Variants in PPARGC1B observed in about 807,000 individuals in gnomAD.
The protein encoded by PPARGC1B is peroxisome proliferator-activated receptor gamma coactivator 1-beta.
PPARGC1B carries 34 observed loss-of-function variants against 101.6 expected under a neutral mutation model. That is an observed-to-expected ratio of 0.33 (90% CI 0.25 to 0.45). The LOEUF (loss-of-function observed/expected upper bound fraction) is 0.45, where lower values mean the gene tolerates loss of function less well. Among genes scored for constraint, PPARGC1B ranks in the 20% least tolerant of loss-of-function variants. PPARGC1B has a pLI of 1.00. For missense variants in PPARGC1B, 1,234 were observed against 1,317.6 expected (o/e 0.94, Z 0.98); for synonymous variants, 548 against 539.3 (o/e 1.02, Z -0.22).
rs189717323 is a variant in PPARGC1B, at chr5:149,837,157, C to G, written c.2618+84C>G. 3.0e-5 allele frequency: 45 copies of G among 1,510,950 alleles called. No homozygotes were observed. In the Admixed American group the frequency reaches 9.2e-4, roughly 31 times the overall value. 93.6% of individuals were successfully genotyped at this position (1,510,950 alleles called of 1,614,324 possible). A position where few individuals can be genotyped will look rare whatever the true frequency, so the allele number is the denominator to read the frequency against. ...AGCCAGGAGCCCCAGGAGGGAGGAT[C>G]CCTGGGAAGCTTGCTCTGAAACTGA... On this transcript the variant is annotated intron_variant, in intron 8 of 11. Transcript: ENST00000309241. The surrounding 1 kb of genome is among the most constrained non-coding windows in gnomAD (Gnocchi z 4.2).
intron 1 of PPARGC1B, among the ~76,000 whole-genome samples, chr5:149,772,605 G>C (rs1028614377): frequency 2.6e-5 from 4 of 152,146 alleles, no homozygotes; most frequent in East Asian, 3.8e-4. Flanking sequence ...GAGTTCACGT[G>C]GTCTTTGGTC....
intron 1 of PPARGC1B, among the ~76,000 whole-genome samples, chr5:149,799,693 G>GTTGTTTTTTT (rs752427488): frequency 2.8e-3 from 215 of 76,444 alleles, no homozygotes; most frequent in Middle Eastern, 0.013. Context: ...GCTTGTTGTT[G>GTTGTTTTTTT]TTTTTTTTTT....
chr5:149,847,715 A>G lies in PPARGC1B; in HGVS notation c.*157A>G, dbSNP rs1759624057. The G allele has an allele frequency of 1.6e-6, 1 of 606,974 alleles. No individual in the cohort carries two copies. The highest frequency in any genetic ancestry group is 2.9e-6 in the Non-Finnish European group (1 of 342,228). The allele number at this position is 606,974 out of a possible 1,614,324, so 37.6% of individuals were successfully genotyped here. A position where few individuals can be genotyped will look rare whatever the true frequency, so the allele number is the denominator to read the frequency against. On this transcript the variant is annotated 3_prime_UTR_variant, in exon 12 of 12. Transcript: ENST00000309241. The stretch of plus-strand genomic sequence containing the variant: ...AAACTGCTGTCCTTTAAAAAAAAAA[A>G]AAATCAATGTTTACATTGAACAAAG...
intron 1 of PPARGC1B, among the ~76,000 whole-genome samples, chr5:149,772,855 C>T (rs181466450): frequency 9.9e-5 from 15 of 152,032 alleles, no homozygotes; most frequent in Admixed American, 2.0e-4. Context: ...GGTGATTCCT[C>T]GGTGGGGTTT....
chr5:149,846,030 C>T, intron 11 of PPARGC1B, 116 bp downstream of exon 11: 1 of 1,205,704 alleles, frequency 8.3e-7, no homozygotes, highest in Non-Finnish European at 1.2e-6. Flanking sequence ...CATCCCCACA[C>T]CCCAGTGTGC....
chr5:149,771,455 G>T (rs908724829), intron 1 of PPARGC1B, among the ~76,000 whole-genome samples: 16 of 152,234 alleles, frequency 1.1e-4, no homozygotes, highest in African/African-American at 3.4e-4. Flanking sequence ...TGATGCCCCT[G>T]AAGGGCCAAG....
intron 1 of PPARGC1B, among the ~76,000 whole-genome samples, chr5:149,763,530 T>G (rs1352495233): frequency 1.5e-5 from 2 of 131,498 alleles, no homozygotes; most frequent in Admixed American, 7.6e-5. Flanking sequence ...CTCCTGGTTT[T>G]TTTTTTTTTT....
rs754344230 is a variant in PPARGC1B, at chr5:149,772,321, G to A, written c.78+41901G>A. Reference sequence around the variant, plus strand: ...TGATGTGCTGGCTGTCTCGGGATGCGGTGTTTGTGCTGGTGATGCAGCCAG... The same window carrying A: ...TGATGTGCTGGCTGTCTCGGGATGCAGTGTTTGTGCTGGTGATGCAGCCAG... On this transcript the variant is annotated intron_variant, in intron 1 of 11. Coordinates refer to ENST00000309241, the MANE Select transcript of PPARGC1B (RefSeq NM_133263.4). 4.3e-4 allele frequency among the ~76,000 whole-genome samples: 65 copies of A among 152,180 alleles called. 1 individual carries two copies. The highest frequency in any genetic ancestry group is 7.3e-5 in the Non-Finnish European group (5 of 68,030).
chr5:149,771,129 G>A (rs917930961), intron 1 of PPARGC1B, among the ~76,000 whole-genome samples: 5 of 152,184 alleles, frequency 3.3e-5, no homozygotes, highest in African/African-American at 4.8e-5. Context: ...GAGGCTCCCC[G>A]CCTGCGTGTG....
At chr5:149,856,418 G>A (rs1285160926), downstream of PPARGC1B, among the ~76,000 whole-genome samples, 1 of 152,150 alleles carries the variant, frequency 6.6e-6, no homozygotes, top group African/African-American at 2.4e-5. Context: ...TCTGTTGTAA[G>A]CTTCAGGAGA....
chr5:149,847,774 G>A lies in PPARGC1B; in HGVS notation c.*216G>A, dbSNP rs1256573167. 9.0e-6 allele frequency: 5 copies of A among 553,744 alleles called. No individual in the cohort carries two copies. Among genetic ancestry groups the A allele is most frequent in the African/African-American group, 5.7e-5 (3 of 53,020 alleles). The allele number at this position is 553,744 out of a possible 1,614,324, so 34.3% of individuals were successfully genotyped here. ...GTCTGTGAGTTTCCATGGTGTTGAC[G>A]TTCCACTGCCACATTAGTGTCCTCG... On this transcript the variant is annotated 3_prime_UTR_variant, in exon 12 of 12. Coordinates refer to ENST00000309241, the MANE Select transcript of PPARGC1B (RefSeq NM_133263.4).
chr5:149,733,946 C>A (rs778328338), intron 1 of PPARGC1B, among the ~76,000 whole-genome samples: 8 of 152,094 alleles, frequency 5.3e-5, no homozygotes, highest in Non-Finnish European at 1.0e-4. Context: ...AAATATGTAA[C>A]ATGACCCAAA....
chr5:149,735,474 T>C (rs1754668689), intron 1 of PPARGC1B, among the ~76,000 whole-genome samples: 1 of 152,152 alleles, frequency 6.6e-6, no homozygotes, highest in Non-Finnish European at 1.5e-5. Flanking sequence ...CTAACAAGAA[T>C]ATTGCAGTGT....
intron 1 of PPARGC1B, among the ~76,000 whole-genome samples, chr5:149,780,376 A>T (rs1402860231): frequency 6.6e-6 from 1 of 152,198 alleles, no homozygotes; most frequent in East Asian, 1.9e-4. Flanking sequence ...ACTAATGTTT[A>T]GTGGGCACAG....
At chr5:149,745,672 C>G (rs1333584774) in intron 1 of PPARGC1B, among the ~76,000 whole-genome samples, 1 of 152,100 alleles carries the variant, frequency 6.6e-6, no homozygotes, top group African/African-American at 2.4e-5. Context: ...TCAGGCATTT[C>G]CATTTGATCT....
At chr5:149,822,560 T>A (rs1758345304) in intron 2 of PPARGC1B, among the ~76,000 whole-genome samples, 1 of 152,246 alleles carries the variant, frequency 6.6e-6, no homozygotes, top group Non-Finnish European at 1.5e-5. Context: ...CATGGTTGTA[T>A]TCCCAGGGCT....
chr5:149,838,409 A>T (rs1421864227), intron 8 of PPARGC1B, among the ~76,000 whole-genome samples: 1 of 151,412 alleles, frequency 6.6e-6, no homozygotes, highest in Non-Finnish European at 1.5e-5. Flanking sequence ...CGTTCTGCCG[A>T]CTTCGCTGAG....
chr5:149,759,154 A>G (rs1021743269), intron 1 of PPARGC1B, among the ~76,000 whole-genome samples: 10 of 152,188 alleles, frequency 6.6e-5, no homozygotes, highest in Admixed American at 3.3e-4. Flanking sequence ...TGAAGAATCT[A>G]TCTTTATTAA....
chr5:149,751,487 C>T (rs1581011608), intron 1 of PPARGC1B, among the ~76,000 whole-genome samples: 1 of 152,110 alleles, frequency 6.6e-6, no homozygotes, highest in African/African-American at 2.4e-5. Flanking sequence ...GGGCGGATCA[C>T]CTGAGGTCAG....
Sources: gnomAD v4.1 joint callset for allele counts (sites outside exome capture counted in the v4.1 genomes callset) on GRCh38, gnomAD v4.1.1 for gene constraint, Gnocchi (gnomAD v3.1) non-coding constraint, MANE v1.5 for transcripts, NCBI Gene and HGNC (gene_info 2026-07-23, HGNC 2026-07-21) for gene names.